The following PDE4D variants were observed in gnomAD, a reference collection of about 807,000 sequenced individuals.
PDE4D encodes the protein 3',5'-cyclic-AMP phosphodiesterase 4D.
A neutral mutation model predicts 87.4 loss-of-function variants in PDE4D; 24 were observed. The observed-to-expected ratio is 0.27, with a 90% confidence interval of 0.20 to 0.39. The LOEUF is 0.39. Among genes scored for constraint, PDE4D ranks in the 10% least tolerant of loss-of-function variants. The pLI is 1.00. For synonymous variants in PDE4D, 384 were observed against 383.2 expected (o/e 1.00, Z -0.02); for missense variants, 714 against 1,041.0 (o/e 0.69, Z 4.32).
chr5:59,172,040 A>ATATT lies in PDE4D; in HGVS notation c.808+8554_808+8555insAATA, dbSNP rs1554087288. On this transcript the variant is annotated intron_variant, in intron 5 of 14. Coordinates refer to ENST00000340635, the MANE Select transcript of PDE4D (RefSeq NM_001104631.2). Reference sequence around the variant, plus strand: ...TATATATATAATAAATATATATTATATATATAATATATATATATTATATAT... The same window carrying ATATT: ...TATATATATAATAAATATATATTATATATTTATATAATATATATATATTATATAT... Among the ~76,000 whole-genome samples the ATATT allele has an allele frequency of 3.0e-3, 9 of 2,964 alleles. No homozygotes were observed. The African/African-American group carries it at 0.033, about 11-fold the overall frequency. 1.9% of individuals were successfully genotyped at this position (2,964 alleles called of 152,430 possible).
intron 1 of PDE4D, among the ~76,000 whole-genome samples, chr5:59,300,736 C>A (rs536496468): frequency 1.3e-4 from 20 of 152,094 alleles, no homozygotes; most frequent in African/African-American, 4.8e-4. Context: ...TCAGTTCCAA[C>A]GCTGTCTACC....
intron 5 of PDE4D, among the ~76,000 whole-genome samples, chr5:59,129,787 G>A (rs1194758386): frequency 2.0e-5 from 3 of 152,212 alleles, no homozygotes. Flanking sequence ...ACAAACCTGT[G>A]TTGGAAACCT....
chr5:59,226,225 T>A (rs1031187182), intron 1 of PDE4D, among the ~76,000 whole-genome samples: 2 of 152,116 alleles, frequency 1.3e-5, no homozygotes, highest in African/African-American at 4.8e-5. Flanking sequence ...ATATTCACAA[T>A]ACCAAGATGT....
intron 1 of PDE4D, among the ~76,000 whole-genome samples, chr5:60,440,348 A>T (rs989474811): frequency 5.9e-5 from 9 of 152,172 alleles, no homozygotes; most frequent in Non-Finnish European, 1.2e-4. Context: ...TACAAAAAAA[A>T]TAAACACAAA....
chr5:59,823,428 G>C (rs188244450), intron 1 of PDE4D, among the ~76,000 whole-genome samples: 64 of 152,208 alleles, frequency 4.2e-4, no homozygotes, highest in Non-Finnish European at 7.4e-4. Flanking sequence ...AAGAATGGAG[G>C]GAAGGACAGA....
intron 11 of PDE4D, among the ~76,000 whole-genome samples, chr5:58,987,194 G>A (rs559002500): frequency 2.0e-5 from 3 of 152,120 alleles, no homozygotes; most frequent in Non-Finnish European, 1.5e-5. Flanking sequence ...CCATGTAAAT[G>A]CAGGGAGCTG....
chr5:59,221,311 G>A (rs545439055), intron 1 of PDE4D, among the ~76,000 whole-genome samples: 33 of 152,152 alleles, frequency 2.2e-4, no homozygotes, highest in Non-Finnish European at 2.9e-4. Flanking sequence ...TACAGGTGAC[G>A]CATGCAAAGG....
chr5:59,362,035 C>T (rs1225251537), intron 1 of PDE4D, among the ~76,000 whole-genome samples: 1 of 152,146 alleles, frequency 6.6e-6, no homozygotes, highest in Non-Finnish European at 1.5e-5. Flanking sequence ...ATGCCATGAA[C>T]TTGCCATGTG....
chr5:60,290,115 T>G (rs1224502024), intron 1 of PDE4D, among the ~76,000 whole-genome samples: 1 of 152,214 alleles, frequency 6.6e-6, no homozygotes, highest in Non-Finnish European at 1.5e-5. Flanking sequence ...GAGTAAAATC[T>G]ATACATGCAT....
intron 1 of PDE4D, chr5:59,586,505 C>CCA (rs1554036029): frequency 1.1e-5 from 13 of 1,132,772 alleles, no homozygotes; most frequent in East Asian, 7.7e-5. Context: ...TATTGAATCC[C>CCA]AAAAAAAAAA....
At chr5:59,941,831 T>A (rs1373679827) in intron 3 of PDE4D, among the ~76,000 whole-genome samples, 1 of 152,226 alleles carries the variant, frequency 6.6e-6, no homozygotes, top group Non-Finnish European at 1.5e-5. Flanking sequence ...GAGGCCTCTG[T>A]ATTCTTAGCA....
rs78337634 is a variant in PDE4D, at chr5:59,325,719, C to T, written c.456-109751G>A. On this transcript the variant is annotated intron_variant, in intron 1 of 14. Coordinates refer to ENST00000340635, the MANE Select transcript of PDE4D (RefSeq NM_001104631.2). ...CCCCTCCCTTGAAAGTTTGGTAGAA[C>T]TTGTATGTAGAATTATTTGAGCCAG... 8.6e-3 allele frequency among the ~76,000 whole-genome samples: 1,312 copies of T among 152,154 alleles called. 20 individuals carry two copies. The highest frequency in any genetic ancestry group is 0.03 in the African/African-American group (1,245 of 41,544).
chr5:58,989,924 AG>A lies in PDE4D; in HGVS notation c.1288-6del, dbSNP rs746141155. The A allele has an allele frequency of 2.2e-5, 33 of 1,484,570 alleles. No homozygotes were observed. The highest frequency in any genetic ancestry group is 2.8e-5 in the Non-Finnish European group (30 of 1,078,138). The allele number at this position is 1,484,570 out of a possible 1,614,324, so 92.0% of individuals were successfully genotyped here. Reference sequence around the variant, plus strand: ...TGTTTTTAATAAATCCCGTTCCTGTAGGAAAAAAAATCATCTTAACATTTTT... The same window carrying A: ...TGTTTTTAATAAATCCCGTTCCTGTAGAAAAAAAATCATCTTAACATTTTT... On this transcript the variant is annotated splice_polypyrimidine_tract_variant and splice_region_variant and intron_variant, in intron 9 of 14. Coordinates refer to ENST00000340635, the MANE Select transcript of PDE4D (RefSeq NM_001104631.2).
chr5:60,016,614 C>T (rs1178701590), intron 2 of PDE4D, among the ~76,000 whole-genome samples: 1 of 152,180 alleles, frequency 6.6e-6, no homozygotes, highest in East Asian at 1.9e-4. Context: ...TATTCTAAAA[C>T]CTTTGCTGCT....
At chr5:59,149,710 T>G (rs1489947690) in intron 5 of PDE4D, among the ~76,000 whole-genome samples, 1 of 140,666 alleles carries the variant, frequency 7.1e-6, no homozygotes. Context: ...CCTCGAGTTT[T>G]TTTTTTTTTT....
intron 1 of PDE4D, among the ~76,000 whole-genome samples, chr5:59,282,663 A>C (rs1766067194): frequency 6.6e-6 from 1 of 151,448 alleles, no homozygotes; most frequent in African/African-American, 2.4e-5. Flanking sequence ...AAAAAAAAAA[A>C]AAAAAGATGT....
chr5:59,185,139 A>T (rs1401637659), intron 4 of PDE4D, 50 bp downstream of exon 4: 2 of 1,433,262 alleles, frequency 1.4e-6, no homozygotes, highest in African/African-American at 2.8e-5. Flanking sequence ...AGTTGAGAAA[A>T]CTTATTTAAA....
chr5:60,046,351 C>A (rs60199646), intron 2 of PDE4D, among the ~76,000 whole-genome samples: 5,946 of 152,110 alleles, frequency 0.039, 327 homozygotes, highest in African/African-American at 0.12. Context: ...AATTGAATAC[C>A]CTTTATTTCC....
intron 1 of PDE4D, among the ~76,000 whole-genome samples, chr5:59,444,811 A>AAAAC (rs950901289): frequency 1.4e-4 from 22 of 152,212 alleles, no homozygotes; most frequent in African/African-American, 2.6e-4. Context: ...GTCCGCCTCA[A>AAAAC]AAACAAACAA....
Sources: gnomAD v4.1 joint callset for allele counts (sites outside exome capture counted in the v4.1 genomes callset) on GRCh38, gnomAD v4.1.1 for gene constraint, MANE v1.5 for transcripts, NCBI Gene and HGNC (gene_info 2026-07-23, HGNC 2026-07-21) for gene names.